CACNA2D3: variants seen among roughly 807,000 people sequenced by gnomAD.
CACNA2D3 encodes voltage-dependent calcium channel subunit alpha-2/delta-3.
CACNA2D3 carries 60 observed loss-of-function variants against 160.6 expected under a neutral mutation model. The observed-to-expected ratio is 0.37, with a 90% CI of 0.30 to 0.46. The LOEUF (loss-of-function observed/expected upper bound fraction) is 0.46. CACNA2D3 is among the 20% of genes least tolerant of loss of function. The pLI, the probability that CACNA2D3 is intolerant of heterozygous loss-of-function variation, is 1.00. For synonymous variants in CACNA2D3, 558 were observed against 492.9 expected, an observed-to-expected ratio of 1.13 and a Z score of -1.75; for missense variants, 1,205 against 1,365.0, an observed-to-expected ratio of 0.88 and a Z score of 1.85.
chr3:54,597,560 A>G (rs1340474653), intron 9 of CACNA2D3, among the ~76,000 whole-genome samples: 1 of 152,158 alleles, frequency 6.6e-6, no homozygotes, highest in Non-Finnish European at 1.5e-5. Context: ...ATAAGGAAAT[A>G]CTAGATTTCT....
intron 5 of CACNA2D3, among the ~76,000 whole-genome samples, chr3:54,547,480 G>C (rs951866584): frequency 6.6e-6 from 1 of 151,976 alleles, no homozygotes; most frequent in Non-Finnish European, 1.5e-5. Flanking sequence ...ACATCTTTCT[G>C]AACTTTCTCA....
At chr3:54,425,863 A>G (rs1293514571) in intron 4 of CACNA2D3, among the ~76,000 whole-genome samples, 1 of 152,192 alleles carries the variant, frequency 6.6e-6, no homozygotes, top group Non-Finnish European at 1.5e-5. Context: ...GTCTGGCTCA[A>G]TGAGTGATCT....
intron 30 of CACNA2D3, among the ~76,000 whole-genome samples, chr3:54,986,956 A>G (rs1375732167): frequency 6.6e-6 from 1 of 152,212 alleles, no homozygotes; most frequent in East Asian, 1.9e-4. Context: ...TCATTCCACC[A>G]AAGTTTGCAA....
At chr3:54,763,761 A>ATTGTG (rs1491494631) in intron 12 of CACNA2D3, among the ~76,000 whole-genome samples, 627 of 16,468 alleles carry the variant, frequency 0.038, 93 homozygotes, top group East Asian at 0.16. Context: ...ATATATACAC[A>ATTGTG]TATATATGTA....
At chr3:54,371,422 T>C (rs72988023) in intron 3 of CACNA2D3, among the ~76,000 whole-genome samples, 4,244 of 152,350 alleles carry the variant, frequency 0.028, 195 homozygotes, top group African/African-American at 0.098. Context: ...CTTCCATTGT[T>C]ACTTTTTTCT....
chr3:55,005,279 A>AAAATT (rs564103756), intron 32 of CACNA2D3, among the ~76,000 whole-genome samples: 29 of 152,196 alleles, frequency 1.9e-4, no homozygotes, highest in Admixed American at 3.9e-4. Context: ...GCCTCTCAAA[A>AAAATT]AAATTAAATT....
intron 11 of CACNA2D3, among the ~76,000 whole-genome samples, chr3:54,739,751 ATGTGTGTGTGTGTGTGTGTGTG>A (rs5849058): frequency 4.9e-4 from 71 of 145,958 alleles, no homozygotes; most frequent in Middle Eastern, 6.8e-3. Flanking sequence ...CTCCTCATAT[ATGTGTGTGTGTGTGTGTGTGTG>A]TGTGTGTGTG....
chr3:54,683,168 A>G (rs1055818525), intron 11 of CACNA2D3, among the ~76,000 whole-genome samples: 4 of 152,330 alleles, frequency 2.6e-5, no homozygotes, highest in African/African-American at 9.6e-5. Flanking sequence ...ACTCAGCATC[A>G]CAGTAGTAAT....
chr3:54,480,902 A>G (rs1700922132), intron 4 of CACNA2D3, among the ~76,000 whole-genome samples: 1 of 152,244 alleles, frequency 6.6e-6, no homozygotes, highest in South Asian at 2.1e-4. Context: ...ATTCATCCAG[A>G]AAAAGAAAAC....
In CACNA2D3 at chr3:54,676,300, T is replaced by C. The variant is rs78838918; in HGVS notation, c.1167+34059T>C. On this transcript the variant is annotated intron_variant, in intron 11 of 37. Transcript: ENST00000474759. ...TTAAAGGGACCATGCTCTTTACATA[T>C]AAACAGAGATGATTGAAAGAATGGT... is the stretch of plus-strand genomic sequence containing the variant. Among the ~76,000 whole-genome samples, 1,193 of 152,300 alleles carry C rather than the reference T, an allele frequency of 7.8e-3. 8 individuals carry two copies. The highest frequency in any genetic ancestry group is 0.016 in the South Asian group (77 of 4,826).
At chr3:54,838,468 G>C (rs996267177) in intron 15 of CACNA2D3, 100 bp from the exon 16 acceptor site, 1 of 906,096 alleles carries the variant, frequency 1.1e-6, no homozygotes, top group Admixed American at 1.7e-5. Flanking sequence ...TATCAGTTTG[G>C]GGAAGGCACC....
chr3:54,164,946 G>T (rs539624942), intron 2 of CACNA2D3, among the ~76,000 whole-genome samples: 2 of 152,188 alleles, frequency 1.3e-5, no homozygotes, highest in Non-Finnish European at 2.9e-5. Flanking sequence ...CCCAGGGCCT[G>T]GGCCATGCTA....
chr3:54,169,576 A>C (rs1700521786), intron 2 of CACNA2D3, among the ~76,000 whole-genome samples: 1 of 152,230 alleles, frequency 6.6e-6, no homozygotes. Context: ...TAAATAAATA[A>C]ATAAAAATTA....
chr3:54,984,700 T>C lies in CACNA2D3; in HGVS notation c.2619+30T>C, dbSNP rs932151303. 9.2e-6 allele frequency: 13 copies of C among 1,408,800 alleles called. No individual in the cohort carries two copies. The African/African-American group carries it at 1.9e-4, about 20-fold the overall frequency. The allele number at this position is 1,408,800 out of a possible 1,614,324, so 87.3% of individuals were successfully genotyped here. A position where few individuals can be genotyped will look rare whatever the true frequency, so the allele number is the denominator to read the frequency against. ...GTGAAAATTTTCTACCAGCTCCAAGTAAGGATCTCAGAATGTGCTTGGGTC... is the reference window on the plus strand; with the variant it reads ...GTGAAAATTTTCTACCAGCTCCAAGCAAGGATCTCAGAATGTGCTTGGGTC... On this transcript the variant is annotated intron_variant, in intron 30 of 37. Transcript: ENST00000474759.
intron 4 of CACNA2D3, among the ~76,000 whole-genome samples, chr3:54,405,464 A>G (rs908341242): frequency 1.3e-5 from 2 of 152,088 alleles, no homozygotes; most frequent in African/African-American, 4.8e-5. Context: ...AAAAGACACA[A>G]TGGGGGAAAG....
At chr3:54,649,654 G>A (rs1452888735) in intron 11 of CACNA2D3, among the ~76,000 whole-genome samples, 1 of 152,188 alleles carries the variant, frequency 6.6e-6, no homozygotes, top group African/African-American at 2.4e-5. Flanking sequence ...AAATGAGGAA[G>A]CAAGCTCTCT....
At chr3:55,045,129 A>T (rs577207055) in intron 35 of CACNA2D3, among the ~76,000 whole-genome samples, 1 of 151,990 alleles carries the variant, frequency 6.6e-6, no homozygotes, top group Non-Finnish European at 1.5e-5. Flanking sequence ...GCTCACTGCA[A>T]CCTCCGCCTC....
chr3:54,742,378 A>G (rs925931217), intron 11 of CACNA2D3, among the ~76,000 whole-genome samples: 2 of 152,154 alleles, frequency 1.3e-5, no homozygotes, highest in South Asian at 2.1e-4. Flanking sequence ...TGATCGAGCC[A>G]CTGCACTCCA....
At chr3:55,011,418 T>TA (rs1703209542) in intron 34 of CACNA2D3, among the ~76,000 whole-genome samples, 1 of 152,236 alleles carries the variant, frequency 6.6e-6, no homozygotes, top group Non-Finnish European at 1.5e-5. Flanking sequence ...CAAAGGTTTC[T>TA]ATGATAGGAT....
Sources: allele counts gnomAD v4.1 joint callset (sites outside exome capture counted in the v4.1 genomes callset), GRCh38; gene constraint gnomAD v4.1.1; transcripts MANE v1.5; gene names NCBI Gene and HGNC (gene_info 2026-07-23, HGNC 2026-07-21).